The following LRRC19 variants were observed in gnomAD, a reference collection of about 807,000 sequenced individuals.
LRRC19 encodes the protein leucine rich repeat containing 19.
A neutral mutation model predicts 33.3 loss-of-function variants in LRRC19; 33 were observed. The observed-to-expected ratio is 0.99, with a 90% CI of 0.75 to 1.33. The LOEUF (loss-of-function observed/expected upper bound fraction) is 1.33. Ranked by LOEUF, LRRC19 falls within the 40% of genes most tolerant of loss-of-function variation. The probability of loss-of-function intolerance (pLI) is 0.00; values close to 1 mark genes in which losing one functional copy is unlikely to be tolerated. For missense variants in LRRC19, 463 were observed against 417.3 expected, an observed-to-expected ratio of 1.11 and a Z score of -0.95; for synonymous variants, 184 against 152.3, an observed-to-expected ratio of 1.21 and a Z score of -1.53.
chr9:27,005,566 C>T (rs1828732549), intron 1 of LRRC19, 26 bp downstream of exon 1: 1 of 151,500 alleles, frequency 6.6e-6, no homozygotes, highest in African/African-American at 2.4e-5. Context: ...CAACAATAAC[C>T]AAAGCTATAA....
In LRRC19 at chr9:26,997,745, G is replaced by A. The variant is rs1440134374; in HGVS notation, c.578C>T (p.Thr193Ile). 2.5e-6 allele frequency: 4 copies of A among 1,603,556 alleles called. No individual in the cohort carries two copies. The highest frequency in any genetic ancestry group is 1.7e-6 in the Non-Finnish European group (2 of 1,177,038). ...SLFNLQNWLNTSNVTLENENI... is the reference protein window; with the variant it reads ...SLFNLQNWLNISNVTLENENI... ...TAGCTTACCTAATGTCACATTTGAT[G>A]TGTTCAACCAGTTCTGCAAATTAAA... Residue 193 changes from threonine (T) to isoleucine (I), a missense_variant, in exon 3 of 5, where the codon ACA becomes ATA. Transcript: ENST00000380055.
chr9:27,000,569 A>G (rs1828428162), intron 1 of LRRC19, among the ~76,000 whole-genome samples: 1 of 152,208 alleles, frequency 6.6e-6, no homozygotes, highest in Non-Finnish European at 1.5e-5. Flanking sequence ...GCATTCATAT[A>G]ATTTTTAAAG....
chr9:26,996,570 A>T lies in LRRC19; in HGVS notation c.596-71T>A, dbSNP rs1014760683. 9 of 1,102,644 alleles carry T rather than the reference A, an allele frequency of 8.2e-6. No homozygotes were observed. The East Asian group carries it at 2.8e-4, about 34-fold the overall frequency. 68.3% of individuals were successfully genotyped at this position (1,102,644 alleles called of 1,614,324 possible). ...GTTAACAACATTTTATAATTGTTTTATCTAGAATTTTTGACATATTTGTCA... is the reference window on the plus strand; with the variant it reads ...GTTAACAACATTTTATAATTGTTTTTTCTAGAATTTTTGACATATTTGTCA... On this transcript the variant is annotated intron_variant, in intron 3 of 4. Coordinates refer to ENST00000380055, the MANE Select transcript of LRRC19 (RefSeq NM_022901.3).
intron 4 of LRRC19, 108 bp downstream of exon 4, chr9:26,996,203 G>A: frequency 2.8e-6 from 2 of 716,114 alleles, no homozygotes; most frequent in Admixed American, 7.2e-5. Flanking sequence ...GTTGAGATGA[G>A]GAATCTTTCT....
rs111958200 is a variant in LRRC19, at chr9:27,003,289, G to A, written c.-10+2303C>T. Reference sequence around the variant, plus strand: ...TGTAATCCCAGCACTTTGGGAGGCCGAGGCGGGCAGATCACCTGAGGTCAG... The same window carrying A: ...TGTAATCCCAGCACTTTGGGAGGCCAAGGCGGGCAGATCACCTGAGGTCAG... On this transcript the variant is annotated intron_variant, in intron 1 of 4. Coordinates refer to ENST00000380055, the MANE Select transcript of LRRC19 (RefSeq NM_022901.3). Among the ~76,000 whole-genome samples the A allele has an allele frequency of 3.3e-3, 503 of 152,098 alleles. 2 individuals carry two copies. The highest frequency in any genetic ancestry group is 6.8e-3 in the Middle Eastern group (2 of 294).
chr9:26,998,719 C>T (rs865886975), intron 2 of LRRC19, among the ~76,000 whole-genome samples: 2 of 151,934 alleles, frequency 1.3e-5, no homozygotes, highest in African/African-American at 4.8e-5. Flanking sequence ...CATGGTGGCT[C>T]ACGCCTGTAA....
At chr9:26,998,275 G>GA (rs745958654) in intron 2 of LRRC19, 34 bp from the exon 3 acceptor site, 17 of 1,212,588 alleles carry the variant, frequency 1.4e-5, no homozygotes, top group Admixed American at 3.0e-5. Context: ...GCATTAATCA[G>GA]AAAAAAAATT....
rs1827966972 is a variant in LRRC19, at chr9:26,993,261, A to C, written c.*2260T>G. 6.6e-6 allele frequency: 1 copy of C among 152,158 alleles called. No individual in the cohort carries two copies. Among genetic ancestry groups the C allele is most frequent in the South Asian group, 2.1e-4 (1 of 4,836 alleles). The allele number at this position is 152,158 out of a possible 1,614,324, so 9.4% of individuals were successfully genotyped here. The stretch of plus-strand genomic sequence containing the variant: ...TATATTTCATTTTGCTACATTTCTC[A>C]AATATTAATATTTGCATCTTATAAT... On this transcript the variant is annotated 3_prime_UTR_variant, in exon 5 of 5. Transcript: ENST00000380055.
intron 2 of LRRC19, among the ~76,000 whole-genome samples, chr9:26,998,857 G>A (rs953117531): frequency 6.6e-6 from 1 of 151,986 alleles, no homozygotes; most frequent in African/African-American, 2.4e-5. Flanking sequence ...AGCCGGGCAT[G>A]GTGGCAAGCA....
Position 26,995,743 on chromosome 9 carries a change from G to T in LRRC19, c.891C>A (p.Tyr297Ter). The T allele has an allele frequency of 6.2e-7, 1 of 1,613,732 alleles. No homozygotes were observed. The highest frequency in any genetic ancestry group is 8.5e-7 in the Non-Finnish European group (1 of 1,179,854). Residue 297 changes from tyrosine to a stop codon, truncating the protein, a stop_gained, in exon 5 of 5, where the codon TAC becomes TAA. Coordinates refer to ENST00000380055, the MANE Select transcript of LRRC19 (RefSeq NM_022901.3). LOFTEE classifies it high-confidence loss of function. ...IFIAIKCPIW[Y>*]NILLSYNHHR... ...GATGATTATAACTAAGCAGAATATT[G>T]TACCATATTGGGCATTTGATAGCAA...
rs1455748893 is a variant in LRRC19, at chr9:26,995,021, C to T, written c.*500G>A. On this transcript the variant is annotated 3_prime_UTR_variant, in exon 5 of 5. Transcript: ENST00000380055. ...TATTGTGCTATTTCAGGAAGCATTT[C>T]AAAAAAATATTTTCCAACTCTATGA... The T allele has an allele frequency of 6.6e-6, 1 of 152,054 alleles. No homozygotes were observed. Among genetic ancestry groups the T allele is most frequent in the Admixed American group, 6.6e-5 (1 of 15,258 alleles). The allele number at this position is 152,054 out of a possible 1,614,324, so 9.4% of individuals were successfully genotyped here.
intron 1 of LRRC19, among the ~76,000 whole-genome samples, chr9:27,002,622 T>C (rs1733451758): frequency 6.6e-6 from 1 of 152,208 alleles, no homozygotes; most frequent in Non-Finnish European, 1.5e-5. Context: ...TATATCTGAG[T>C]TCTCTATTCC....
intron 1 of LRRC19, among the ~76,000 whole-genome samples, chr9:27,002,293 C>G (rs1034923053): frequency 2.0e-5 from 3 of 152,174 alleles, no homozygotes; most frequent in Admixed American, 6.5e-5. Context: ...CACTTTCATG[C>G]GGGTCCATGT....
At chr9:27,003,686 C>A (rs1003961407) in intron 1 of LRRC19, among the ~76,000 whole-genome samples, 2 of 152,104 alleles carry the variant, frequency 1.3e-5, no homozygotes, top group African/African-American at 4.8e-5. Context: ...TGCACATTCC[C>A]CTTCTACCTT....
In LRRC19 at chr9:27,000,286, G is replaced by A. The variant is rs138488586; in HGVS notation, c.-9-583C>T. ...TGAAAGGAGCTTTAAAGCAATTTAA[G>A]TGGTTGTAAATTTTAAAAATTTAAT... On this transcript the variant is annotated intron_variant, in intron 1 of 4. Coordinates refer to ENST00000380055, the MANE Select transcript of LRRC19 (RefSeq NM_022901.3). 1.3e-3 allele frequency among the ~76,000 whole-genome samples: 191 copies of A among 152,284 alleles called. 1 individual carries two copies. The highest frequency in any genetic ancestry group is 4.3e-3 in the African/African-American group (179 of 41,574).
chr9:26,997,478 C>T (rs1828226715), intron 3 of LRRC19, among the ~76,000 whole-genome samples: 1 of 151,926 alleles, frequency 6.6e-6, no homozygotes, highest in Non-Finnish European at 1.5e-5. Flanking sequence ...GTACTACAGG[C>T]ATGCGCCACC....
intron 1 of LRRC19, among the ~76,000 whole-genome samples, chr9:27,002,962 T>G (rs954231825): frequency 6.6e-6 from 1 of 152,192 alleles, no homozygotes; most frequent in Admixed American, 6.5e-5. Flanking sequence ...TTCAGTTTCT[T>G]TCATCAGTGT....
intron 2 of LRRC19, 77 bp from the exon 3 acceptor site, chr9:26,998,318 C>T (rs1828283676): frequency 2.2e-6 from 2 of 894,196 alleles, no homozygotes; most frequent in Non-Finnish European, 3.2e-6. Context: ...TATTTAAGCA[C>T]TTAGACATTA....
rs1828159368 is a variant in LRRC19, at chr9:26,996,418, C to T, written c.677G>A (p.Cys226Tyr). ...TACTGATGAAGGAAATTTTGAGTGGCATTCAGCCTTATGAGGTACTGTTTT... is the reference window on the plus strand; with the variant it reads ...TACTGATGAAGGAAATTTTGAGTGGTATTCAGCCTTATGAGGTACTGTTTT... ...NIKTVPHKAE[C>Y]HSKFPSSVTE... The change falls in exon 4 of 5, where the codon TGC (cysteine) becomes TAC (tyrosine). Residue 226 changes from cysteine to tyrosine, a missense_variant. Transcript: ENST00000380055. 1 of 1,608,916 alleles carries T rather than the reference C, an allele frequency of 6.2e-7. No individual in the cohort carries two copies. The highest frequency in any genetic ancestry group is 8.5e-7 in the Non-Finnish European group (1 of 1,176,732).
Sources: gnomAD v4.1 joint callset for allele counts (sites outside exome capture counted in the v4.1 genomes callset) on GRCh38, gnomAD v4.1.1 for gene constraint, MANE v1.5 for transcripts, NCBI Gene and HGNC (gene_info 2026-07-23, HGNC 2026-07-21) for gene names.